The following TTC23L variants were observed in gnomAD, a reference collection of about 807,000 sequenced individuals.
TTC23L encodes tetratricopeptide repeat domain 23 like.
Under a neutral mutation model 48.1 loss-of-function variants are expected in TTC23L, and 42 were observed. The ratio of observed to expected loss-of-function variants is 0.87; its 90% confidence interval spans 0.68 to 1.13. The LOEUF (loss-of-function observed/expected upper bound fraction) is 1.13. Among genes scored for constraint, TTC23L ranks in the 50% most tolerant of loss-of-function variants. The pLI, the probability that TTC23L is intolerant of heterozygous loss-of-function variation, is 0.00. For missense variants in TTC23L, 391 were observed against 421.0 expected (o/e 0.93, Z 0.62); for synonymous variants, 159 against 157.2 (o/e 1.01, Z -0.09).
At chr5:34,853,057 C>G (rs338296) in intron 4 of TTC23L, among the ~76,000 whole-genome samples, 1 of 152,074 alleles carries the variant, frequency 6.6e-6, no homozygotes, top group South Asian at 2.1e-4. Flanking sequence ...TTATGGGAGC[C>G]ACAATTCCTG....
intron 9 of TTC23L, among the ~76,000 whole-genome samples, chr5:34,882,832 G>A (rs1042186031): frequency 6.6e-6 from 1 of 152,114 alleles, no homozygotes; most frequent in Non-Finnish European, 1.5e-5. Flanking sequence ...TTGAGCCTAG[G>A]GGTTTGAGAC....
chr5:34,915,494 G>A, the TTC23L span: 1 of 430,998 alleles, frequency 2.3e-6, no homozygotes, highest in Non-Finnish European at 4.1e-6. Context: ...CCGAGGAACC[G>A]CGGAGGAAGT....
the TTC23L span, chr5:34,922,313 T>C: frequency 7.4e-7 from 1 of 1,354,374 alleles, no homozygotes; most frequent in Admixed American, 1.9e-5. Flanking sequence ...AAGATTTTGG[T>C]TAAACTCATT....
At chr5:34,907,908 T>C in the TTC23L span, 1 of 152,160 alleles carries the variant, frequency 6.6e-6, no homozygotes, top group East Asian at 1.9e-4. Context: ...TTTAAAACAG[T>C]GGTTCCCAAA....
chr5:34,877,117 A>G (rs893215205), intron 8 of TTC23L, among the ~76,000 whole-genome samples: 2 of 152,268 alleles, frequency 1.3e-5, no homozygotes, highest in Non-Finnish European at 2.9e-5. Flanking sequence ...ATTATACACT[A>G]CAGCCAAATG....
chr5:34,901,252 T>C (rs1331346251), downstream of TTC23L, among the ~76,000 whole-genome samples: 1 of 152,202 alleles, frequency 6.6e-6, no homozygotes, highest in East Asian at 1.9e-4. Context: ...ATGTATTTAT[T>C]GAAAAAAATC....
the TTC23L span, chr5:34,909,218 C>T: frequency 7.0e-7 from 1 of 1,418,540 alleles, no homozygotes; most frequent in Non-Finnish European, 9.8e-7. Context: ...ATTTAACCTC[C>T]TCTTTATCAC....
intron 2 of TTC23L, among the ~76,000 whole-genome samples, chr5:34,844,998 T>C (rs1207022549): frequency 6.6e-6 from 1 of 152,238 alleles, no homozygotes; most frequent in East Asian, 1.9e-4. Flanking sequence ...TTTTCTTTCC[T>C]TGCTTGGATC....
exon 6 of TTC23L, chr5:34,864,489 C>T (rs1285144666): frequency 3.7e-6 from 6 of 1,613,760 alleles, no homozygotes; most frequent in Non-Finnish European, 5.1e-6. Flanking sequence ...CATGAAGGAG[C>T]TGAAAGAATT....
At chr5:34,901,238 T>C (rs193126622), downstream of TTC23L, among the ~76,000 whole-genome samples, 2 of 152,254 alleles carry the variant, frequency 1.3e-5, no homozygotes, top group Admixed American at 1.3e-4. Context: ...AAAAAAAACT[T>C]CCAATGTATT....
the TTC23L span, chr5:34,922,023 T>A: frequency 2.4e-5 from 8 of 340,304 alleles, no homozygotes; most frequent in Non-Finnish European, 4.2e-5. Context: ...GCAGAGCATC[T>A]AGTTTACCTT....
chr5:34,860,155 C>A (rs540996883), intron 4 of TTC23L, among the ~76,000 whole-genome samples: 1 of 151,918 alleles, frequency 6.6e-6, no homozygotes, highest in East Asian at 1.9e-4. Context: ...GCTGCTTATA[C>A]GTTTTTCAAT....
the TTC23L span, chr5:34,925,247 A>G: frequency 6.2e-7 from 1 of 1,603,972 alleles, no homozygotes; most frequent in Non-Finnish European, 8.5e-7. Context: ...CATAAGATCC[A>G]TCACAGCTGC....
At chr5:34,913,979 G>A in the TTC23L span, 1 of 456,826 alleles carries the variant, frequency 2.2e-6, no homozygotes, top group Non-Finnish European at 4.4e-6. Context: ...TTCAGCCTCG[G>A]TCTCCTGAGC....
intron 4 of TTC23L, among the ~76,000 whole-genome samples, chr5:34,858,326 C>G (rs1454121093): frequency 6.6e-6 from 1 of 152,112 alleles, no homozygotes; most frequent in Non-Finnish European, 1.5e-5. Context: ...AGAGGACGTA[C>G]TTAGACTTAG....
chr5:34,846,577 ATATAT>A lies in TTC23L; in HGVS notation c.255+905_255+909del, dbSNP rs1292275614. Among the ~76,000 whole-genome samples the A allele has an allele frequency of 2.6e-4, 20 of 76,490 alleles. 4 individuals are homozygous for A. The highest frequency in any genetic ancestry group is 1.6e-3 in the African/African-American group (20 of 12,496). The allele number at this position is 76,490 out of a possible 152,430, so 50.2% of individuals were successfully genotyped here. On this transcript the variant is annotated intron_variant, in intron 3 of 10. Coordinates refer to ENST00000505624, the Ensembl canonical transcript of TTC23L. ...ACTCTGTCTCAAAAAAAAAAAAAAA[ATATAT>A]ATATATATATATATATATACACACA...
At chr5:34,845,629 G>C in exon 3 of TTC23L, 2 of 1,613,570 alleles carry the variant, frequency 1.2e-6, no homozygotes, top group Non-Finnish European at 1.7e-6. Context: ...AGAGAAATTA[G>C]CCCAATCCCA....
intron 9 of TTC23L, 65 bp from the exon 10 acceptor site, chr5:34,896,705 G>C: frequency 1.3e-6 from 1 of 750,594 alleles, no homozygotes; most frequent in South Asian, 1.4e-5. Flanking sequence ...AATGAAAGGA[G>C]AGACAATCTA....
chr5:34,869,126 AGGTG>A lies in TTC23L; in HGVS notation c.949+117_949+120del. ...TATTTATTCCTGTAATGGAAAAATTAGGTGGGTCACAGTCTCATACAAAATCAAT... is the reference window on the plus strand; with the variant it reads ...TATTTATTCCTGTAATGGAAAAATTAGGTCACAGTCTCATACAAAATCAAT... On this transcript the variant is annotated intron_variant, in intron 8 of 10. Coordinates refer to ENST00000505624, the Ensembl canonical transcript of TTC23L. 3 of 836,160 alleles carry A rather than the reference AGGTG, an allele frequency of 3.6e-6. No individual in the cohort carries two copies. The East Asian group carries it at 8.2e-5, about 23-fold the overall frequency. The allele number at this position is 836,160 out of a possible 1,614,324, so 51.8% of individuals were successfully genotyped here. A position where few individuals can be genotyped will look rare whatever the true frequency, so the allele number is the denominator to read the frequency against.
Sources: gnomAD v4.1 joint callset for allele counts (sites outside exome capture counted in the v4.1 genomes callset) on GRCh38, gnomAD v4.1.1 for gene constraint, MANE v1.5 for transcripts, NCBI Gene and HGNC (gene_info 2026-07-23, HGNC 2026-07-21) for gene names.